The following MRPS28 variants were observed in gnomAD, a reference collection of about 807,000 sequenced individuals.
MRPS28 encodes mitochondrial ribosomal protein S28, also known as small ribosomal subunit protein bS1m.
In MRPS28, 7 loss-of-function variants were observed where a neutral mutation model predicts 10.8. The observed-to-expected ratio is 0.65, with a 90% CI of 0.37 to 1.22. The LOEUF is 1.22. Ranked by LOEUF, MRPS28 falls within the 50% of genes most tolerant of loss-of-function variation. The pLI, the probability that MRPS28 is intolerant of heterozygous loss-of-function variation, is 0.02. For synonymous variants in MRPS28, 121 were observed against 93.3 expected (o/e 1.30, Z -1.71); for missense variants, 265 against 232.9 (o/e 1.14, Z -0.90).
At chr8:79,948,502 TA>T (rs762469487) in intron 2 of MRPS28, among the ~76,000 whole-genome samples, 32 of 152,222 alleles carry the variant, frequency 2.1e-4, no homozygotes, top group Non-Finnish European at 4.0e-4. Flanking sequence ...ACATCCAGTA[TA>T]ATGAAGAGTA....
At chr8:80,016,951 A>G (rs1244553785) in intron 1 of MRPS28, among the ~76,000 whole-genome samples, 1 of 152,192 alleles carries the variant, frequency 6.6e-6, no homozygotes, top group Non-Finnish European at 1.5e-5. Context: ...AATCAACTGG[A>G]TATGATGGAC....
intron 2 of MRPS28, among the ~76,000 whole-genome samples, chr8:79,947,343 T>C (rs1227662408): frequency 1.3e-5 from 2 of 152,326 alleles, no homozygotes; most frequent in South Asian, 2.1e-4. Context: ...TTTTACAATA[T>C]GTATTGAAAC....
At chr8:80,007,089 C>A (rs1170151895) in intron 1 of MRPS28, among the ~76,000 whole-genome samples, 1 of 152,194 alleles carries the variant, frequency 6.6e-6, no homozygotes, top group South Asian at 2.1e-4. Context: ...AAGTAGGCTT[C>A]ATTCCTGGGA....
chr8:79,970,191 A>T (rs1318688658), intron 2 of MRPS28, among the ~76,000 whole-genome samples: 1 of 152,182 alleles, frequency 6.6e-6, no homozygotes, highest in Non-Finnish European at 1.5e-5. Flanking sequence ...TTGCTTCCAT[A>T]GCATCTGACC....
In MRPS28 at chr8:79,924,583, A is replaced by G. The variant is rs533587029; in HGVS notation, c.396-5435T>C. On this transcript the variant is annotated intron_variant, in intron 2 of 2. Coordinates refer to ENST00000276585, the MANE Select transcript of MRPS28 (RefSeq NM_014018.3). ...GAAGACTTTATTCTACTTTTAAACA[A>G]TTGTATCAATTACAATTGATACAAT... is the stretch of plus-strand genomic sequence containing the variant. Among the ~76,000 whole-genome samples, 4 of 152,342 alleles carry G rather than the reference A, an allele frequency of 2.6e-5. No homozygotes were observed. In the East Asian group the frequency reaches 7.7e-4, roughly 29 times the overall value.
At chr8:79,955,601 A>G (rs1380640978) in intron 2 of MRPS28, among the ~76,000 whole-genome samples, 1 of 151,860 alleles carries the variant, frequency 6.6e-6, no homozygotes, top group Non-Finnish European at 1.5e-5. Flanking sequence ...TCCATCCACT[A>G]CCTGGATGGA....
chr8:79,960,342 T>C (rs1370327957), intron 2 of MRPS28, among the ~76,000 whole-genome samples: 1 of 152,112 alleles, frequency 6.6e-6, no homozygotes, highest in Non-Finnish European at 1.5e-5. Context: ...GGCAGACCCA[T>C]TTTCTACTAA....
intron 2 of MRPS28, among the ~76,000 whole-genome samples, chr8:79,971,697 T>C (rs1807638535): frequency 1.3e-5 from 2 of 152,196 alleles, no homozygotes; most frequent in Non-Finnish European, 1.5e-5. Flanking sequence ...TAGTACTTCA[T>C]TACCTTTTTT....
rs1018438250 is a variant in MRPS28 at position 80,027,057 on chromosome 8, A to G, written c.213+2979T>C. 2.6e-5 allele frequency among the ~76,000 whole-genome samples: 4 copies of G among 152,120 alleles called. No homozygotes were observed. The East Asian group carries it at 7.7e-4, about 29-fold the overall frequency. On this transcript the variant is annotated intron_variant, in intron 1 of 2. Transcript: ENST00000276585. Reference sequence around the variant, plus strand: ...CCCCCACCAGAGCGGTACATCAGTTACAAGAGATGAATCTACACGGTTTGA... The same window carrying G: ...CCCCCACCAGAGCGGTACATCAGTTGCAAGAGATGAATCTACACGGTTTGA...
In MRPS28 at chr8:79,996,676, C is replaced by T. The variant is rs141044787; in HGVS notation, c.395+6323G>A. On this transcript the variant is annotated intron_variant, in intron 2 of 2. Transcript: ENST00000276585. ...TCTGCAGGGACACAAACATTCAGAC[C>T]ACAGCAACAATGGACACCATAACCA... Among the ~76,000 whole-genome samples the T allele has an allele frequency of 1.7e-4, 26 of 152,276 alleles. No homozygotes were observed. In the East Asian group the frequency reaches 4.8e-3, roughly 28 times the overall value.
chr8:79,958,311 T>C (rs1204053562), intron 2 of MRPS28: 3 of 679,358 alleles, frequency 4.4e-6, no homozygotes, highest in Non-Finnish European at 7.9e-6. Flanking sequence ...TTTTCAGGGT[T>C]CATCCATGTT....
intron 2 of MRPS28, among the ~76,000 whole-genome samples, chr8:79,968,075 C>T (rs1213899209): frequency 1.3e-5 from 2 of 152,074 alleles, no homozygotes; most frequent in Non-Finnish European, 2.9e-5. Context: ...CTTATCAATT[C>T]TTACTCCAAA....
chr8:79,986,442 A>G (rs1001184846), intron 2 of MRPS28, among the ~76,000 whole-genome samples: 2 of 152,210 alleles, frequency 1.3e-5, no homozygotes, highest in Non-Finnish European at 2.9e-5. Context: ...AGGCAGGAGA[A>G]GGAAATAAAG....
At chr8:79,940,557 AC>A (rs1375821755) in intron 2 of MRPS28, among the ~76,000 whole-genome samples, 1 of 152,240 alleles carries the variant, frequency 6.6e-6, no homozygotes, top group Non-Finnish European at 1.5e-5. Flanking sequence ...AGCAAAAGAA[AC>A]TATACAGCAG....
At chr8:79,947,629 G>GTTTTTTTTTTTT (rs767221360) in intron 2 of MRPS28, among the ~76,000 whole-genome samples, 1 of 109,222 alleles carries the variant, frequency 9.2e-6, no homozygotes. Flanking sequence ...AATATATTAA[G>GTTTTTTTTTTTT]TTTTTTTTTT....
At chr8:80,020,102 A>C (rs1162172114) in intron 1 of MRPS28, among the ~76,000 whole-genome samples, 4 of 152,218 alleles carry the variant, frequency 2.6e-5, no homozygotes, top group African/African-American at 9.6e-5. Context: ...TCCAGGTCAT[A>C]GGTAGATTTA....
At chr8:80,019,153 A>G (rs1809284613) in intron 1 of MRPS28, among the ~76,000 whole-genome samples, 1 of 151,944 alleles carries the variant, frequency 6.6e-6, no homozygotes, top group African/African-American at 2.4e-5. Flanking sequence ...CAGGGTGATA[A>G]GCAATAATTA....
chr8:80,029,669 C>T, intron 1 of MRPS28: 1 of 1,245,990 alleles, frequency 8.0e-7, no homozygotes, highest in South Asian at 1.3e-5. Flanking sequence ...CAAGACCCAG[C>T]AGAGCCCTGC....
At chr8:80,011,389 T>C (rs548440755) in intron 1 of MRPS28, among the ~76,000 whole-genome samples, 1 of 135,310 alleles carries the variant, frequency 7.4e-6, no homozygotes, top group African/African-American at 2.8e-5. Context: ...TTCTTTTTCT[T>C]CTTTTTTCGC....
Sources: gnomAD v4.1 joint callset for allele counts (sites outside exome capture counted in the v4.1 genomes callset) on GRCh38, gnomAD v4.1.1 for gene constraint, MANE v1.5 for transcripts, NCBI Gene and HGNC (gene_info 2026-07-23, HGNC 2026-07-21) for gene names.